DOCK7: variants seen among roughly 807,000 people sequenced by gnomAD.
DOCK7 encodes dedicator of cytokinesis 7.
Under a neutral mutation model 271.0 loss-of-function variants are expected in DOCK7, and 138 were observed. The observed-to-expected ratio is 0.51, with a 90% CI of 0.44 to 0.59. The LOEUF (loss-of-function observed/expected upper bound fraction) is 0.59. Ranked by LOEUF, DOCK7 falls within the 20% of genes least tolerant of loss-of-function variation. The pLI, the probability that DOCK7 is intolerant of heterozygous loss-of-function variation, is 0.00. For synonymous variants in DOCK7, 823 were observed against 876.1 expected (o/e 0.94, Z 1.07); for missense variants, 2,066 against 2,592.4 (o/e 0.80, Z 4.41).
At chr1:62,558,388 G>T (rs145535065) in intron 20 of DOCK7, among the ~76,000 whole-genome samples, 10 of 152,128 alleles carry the variant, frequency 6.6e-5, no homozygotes, top group African/African-American at 2.2e-4. Context: ...AATTATATCT[G>T]GTTAGCTGAA....
chr1:62,654,585 TA>T (rs1361663349), intron 2 of DOCK7, among the ~76,000 whole-genome samples: 1 of 152,108 alleles, frequency 6.6e-6, no homozygotes, highest in Non-Finnish European at 1.5e-5. Context: ...TAAAAACATA[TA>T]ATCAGACTGG....
intron 7 of DOCK7, chr1:62,641,654 G>T: frequency 2.2e-6 from 1 of 446,172 alleles, no homozygotes; most frequent in Non-Finnish European, 4.6e-6. Flanking sequence ...TACCTGCTTG[G>T]CCACAATGGC....
chr1:62,651,105 C>T (rs1293103546), intron 4 of DOCK7, among the ~76,000 whole-genome samples: 1 of 151,752 alleles, frequency 6.6e-6, no homozygotes, highest in African/African-American at 2.4e-5. Context: ...CCATGGAATA[C>T]TATGCAGCCA....
intron 16 of DOCK7, among the ~76,000 whole-genome samples, chr1:62,579,671 T>C (rs1390220384): frequency 7.6e-6 from 1 of 132,286 alleles, no homozygotes; most frequent in African/African-American, 2.9e-5. Flanking sequence ...CACTGCACTC[T>C]GGCCTAGGTG....
At chr1:62,487,485 C>G (rs1646328975) in intron 42 of DOCK7, 73 bp from the exon 43 acceptor site, 1 of 1,335,062 alleles carries the variant, frequency 7.5e-7, no homozygotes, top group African/African-American at 1.5e-5. Context: ...CCAAAGGCAC[C>G]ATATACCATA....
chr1:62,664,433 C>G (rs1659037769), intron 1 of DOCK7, among the ~76,000 whole-genome samples: 2 of 152,122 alleles, frequency 1.3e-5, no homozygotes, highest in South Asian at 2.1e-4. Flanking sequence ...TGTAAGATGT[C>G]CCTCTGCTCC....
At position 62,640,515 on chromosome 1, in the gene DOCK7, C is replaced by T. The variant is rs555363379; in HGVS notation, c.819-3912G>A. 5.3e-5 allele frequency among the ~76,000 whole-genome samples: 8 copies of T among 151,866 alleles called. No individual in the cohort carries two copies. In the East Asian group the frequency reaches 5.8e-4, roughly 11 times the overall value. On this transcript the variant is annotated intron_variant, in intron 7 of 49. Coordinates refer to ENST00000635253, the MANE Select transcript of DOCK7 (RefSeq NM_001367561.1). ...CCAGCCTGGCAACAAAGCAAGACCC[C>T]GTCTCAAAAAAAAGAAAGAAAAAAT...
chr1:62,673,798 A>T (rs1054655956), intron 1 of DOCK7, among the ~76,000 whole-genome samples: 1 of 152,086 alleles, frequency 6.6e-6, no homozygotes, highest in Non-Finnish European at 1.5e-5. Context: ...AAATAACATC[A>T]TACTTAACAG....
chr1:62,487,522 C>T (rs981523175), intron 42 of DOCK7, 110 bp from the exon 43 acceptor site: 55 of 921,630 alleles, frequency 6.0e-5, no homozygotes, highest in Non-Finnish European at 8.9e-5. Context: ...CAGAAGACAG[C>T]AGGATATTTT....
chr1:62,638,623 A>T (rs1388558602), intron 7 of DOCK7, among the ~76,000 whole-genome samples: 1 of 147,804 alleles, frequency 6.8e-6, no homozygotes, highest in African/African-American at 2.5e-5. Context: ...ATGAATATAT[A>T]TTTTCATGAA....
At chr1:62,577,987 G>A (rs1646989053) in intron 17 of DOCK7, among the ~76,000 whole-genome samples, 2 of 151,638 alleles carry the variant, frequency 1.3e-5, no homozygotes, top group South Asian at 4.2e-4. Flanking sequence ...GCAATGGCAT[G>A]ATCTTGGCTC....
intron 15 of DOCK7, 50 bp downstream of exon 15, chr1:62,586,457 C>CT (rs1416293497): frequency 1.4e-6 from 2 of 1,384,484 alleles, no homozygotes; most frequent in East Asian, 4.7e-5. Context: ...AGAAAAAAGT[C>CT]TATTTGAACT....
At chr1:62,514,498 A>G (rs1644600454) in intron 31 of DOCK7, among the ~76,000 whole-genome samples, 1 of 152,136 alleles carries the variant, frequency 6.6e-6, no homozygotes, top group African/African-American at 2.4e-5. Context: ...TGAAAAAATA[A>G]AAACACATTT....
chr1:62,521,203 T>C (rs1438044577), intron 31 of DOCK7, among the ~76,000 whole-genome samples: 2 of 152,172 alleles, frequency 1.3e-5, no homozygotes, highest in Non-Finnish European at 2.9e-5. Flanking sequence ...TATACCTATG[T>C]AACAAACCTG....
intron 11 of DOCK7, 46 bp downstream of exon 11, chr1:62,631,194 A>G (rs1389043185): frequency 6.6e-7 from 1 of 1,515,966 alleles, no homozygotes; most frequent in Middle Eastern, 1.8e-4. Context: ...CAAAAAAAAA[A>G]GAAAAAAGTA....
intron 16 of DOCK7, among the ~76,000 whole-genome samples, chr1:62,581,395 G>A (rs965779570): frequency 1.3e-5 from 2 of 152,130 alleles, no homozygotes; most frequent in African/African-American, 2.4e-5. Context: ...TTGCGCCAGA[G>A]TAACTGGAAA....
At position 62,688,373 on chromosome 1, in the gene DOCK7, C is replaced by T. The variant is rs151283599; in HGVS notation, c.-109G>A. On this transcript the variant is annotated 5_prime_UTR_variant, in exon 1 of 50. Coordinates refer to ENST00000635253, the MANE Select transcript of DOCK7 (RefSeq NM_001367561.1). ...CCCTCCCTCGCGGCCTCCGCCAGTC[C>T]GGGCTCCGGACCTGGGAGGCTGGGG... 1.5e-3 allele frequency: 1,028 copies of T among 686,880 alleles called. 31 individuals carry two copies. In the East Asian group the frequency reaches 0.049, roughly 33 times the overall value. The allele number at this position is 686,880 out of a possible 1,614,324, so 42.5% of individuals were successfully genotyped here.
Position 62,688,327 on chromosome 1 carries a change from G to T in DOCK7, c.-63C>A. The T allele has an allele frequency of 1.8e-6, 2 of 1,098,042 alleles. No individual in the cohort carries two copies. Among genetic ancestry groups the T allele is most frequent in the Non-Finnish European group, 1.1e-6 (1 of 878,856 alleles). The allele number at this position is 1,098,042 out of a possible 1,614,324, so 68.0% of individuals were successfully genotyped here. A position where few individuals can be genotyped will look rare whatever the true frequency, so the allele number is the denominator to read the frequency against. ...GCGGGCCGGGTGCGGACCGGCGGGCGCGTGCCTCCTCGCTCGTGCTCCCTC... is the reference window on the plus strand; with the variant it reads ...GCGGGCCGGGTGCGGACCGGCGGGCTCGTGCCTCCTCGCTCGTGCTCCCTC... On this transcript the variant is annotated 5_prime_UTR_variant, in exon 1 of 50. Coordinates refer to ENST00000635253, the MANE Select transcript of DOCK7 (RefSeq NM_001367561.1).
chr1:62,510,601 C>A lies in DOCK7; in HGVS notation c.4355G>T (p.Arg1452Leu). The A allele has an allele frequency of 6.2e-7, 1 of 1,613,072 alleles. No homozygotes were observed. Among genetic ancestry groups the A allele is most frequent in the Non-Finnish European group, 8.5e-7 (1 of 1,179,468 alleles). The change falls in exon 34 of 50, where the codon CGT (arginine) becomes CTT (leucine). Residue 1452 changes from arginine (R) to leucine (L), a missense_variant. Around this residue, in one of 2 missense-constraint regions of DOCK7, gnomAD observed 652 missense variants for 922.1 expected, o/e 0.71. Coordinates refer to ENST00000635253, the MANE Select transcript of DOCK7 (RefSeq NM_001367561.1). Reference sequence around the variant, plus strand: ...CTTGTCAAGCTTCTCTGTGTTTTGACGCCAGTGAGTCATATCTTTCCTCCA... The same window carrying A: ...CTTGTCAAGCTTCTCTGTGTTTTGAAGCCAGTGAGTCATATCTTTCCTCCA... ...LRWRKDMTHW[R>L]QNTEKLDKSR...
Sources: allele counts gnomAD v4.1 joint callset (sites outside exome capture counted in the v4.1 genomes callset), GRCh38; gene constraint gnomAD v4.1.1; regional missense constraint gnomAD v4.1.1; transcripts MANE v1.5; gene names NCBI Gene and HGNC (gene_info 2026-07-23, HGNC 2026-07-21).